Variants in RASGEF1C observed in about 807,000 individuals in gnomAD.
RASGEF1C encodes ras-GEF domain-containing family member 1C.
A neutral mutation model predicts 58.1 loss-of-function variants in RASGEF1C; 27 were observed. That is an observed-to-expected ratio of 0.46 (90% CI 0.34 to 0.64). The LOEUF is 0.64. Among genes scored for constraint, RASGEF1C ranks in the 30% least tolerant of loss-of-function variants. RASGEF1C has a pLI of 0.01. For synonymous variants in RASGEF1C, 243 were observed against 246.3 expected, an observed-to-expected ratio of 0.99 and a Z score of 0.13; for missense variants, 502 against 605.1, an observed-to-expected ratio of 0.83 and a Z score of 1.79.
In RASGEF1C at chr5:180,177,355, C is replaced by T. The variant is rs1036419180; in HGVS notation, c.-7+31673G>A. Reference sequence around the variant, plus strand: ...TTCCCCAAAGACACAGGCTGTTCATCGGCTCCATTTTTAACCTTCCTTAGT... The same window carrying T: ...TTCCCCAAAGACACAGGCTGTTCATTGGCTCCATTTTTAACCTTCCTTAGT... On this transcript the variant is annotated intron_variant, in intron 1 of 13. Coordinates refer to ENST00000361132, the MANE Select transcript of RASGEF1C (RefSeq NM_175062.4). This position sits in a 1 kb window ranked among gnomAD's most constrained non-coding sequence, Gnocchi z 5.0. Among the ~76,000 whole-genome samples the T allele has an allele frequency of 1.8e-4, 28 of 152,206 alleles. No individual in the cohort carries two copies. Among genetic ancestry groups the T allele is most frequent in the Non-Finnish European group, 3.1e-4 (21 of 68,042 alleles).
At chr5:180,176,771 T>A (rs528379970) in intron 1 of RASGEF1C, among the ~76,000 whole-genome samples, 1 of 152,116 alleles carries the variant, frequency 6.6e-6, no homozygotes, top group African/African-American at 2.4e-5. Flanking sequence ...TTGGCCAGGA[T>A]GGTCTCGATC....
intron 1 of RASGEF1C, among the ~76,000 whole-genome samples, chr5:180,192,375 C>T (rs1057486514): frequency 1.3e-5 from 2 of 152,152 alleles, no homozygotes; most frequent in Non-Finnish European, 2.9e-5. Flanking sequence ...ATGAGCTCAG[C>T]GTCCTCACTG....
rs1438089320 is a variant in RASGEF1C at position 180,177,090 on chromosome 5, C to T, written c.-7+31938G>A. ...GTTTCCAAGGGACGGCAACTTTTGC[C>T]AGCATGGAGGAGGACCAGGGTGAGA... is the stretch of plus-strand genomic sequence containing the variant. On this transcript the variant is annotated intron_variant, in intron 1 of 13. Transcript: ENST00000361132. The surrounding 1 kb of genome is among the most constrained non-coding windows in gnomAD (Gnocchi z 5.0). 6.6e-6 allele frequency among the ~76,000 whole-genome samples: 1 copy of T among 152,062 alleles called. No individual in the cohort carries two copies. Among genetic ancestry groups the T allele is most frequent in the African/African-American group, 2.4e-5 (1 of 41,390 alleles).
chr5:180,196,637 G>A (rs7720553), intron 1 of RASGEF1C, among the ~76,000 whole-genome samples: 13,495 of 152,086 alleles, frequency 0.089, 751 homozygotes, highest in Admixed American at 0.11. Flanking sequence ...GTATTGGTAC[G>A]AGGTTCTTCA....
intron 1 of RASGEF1C, among the ~76,000 whole-genome samples, chr5:180,183,283 C>A (rs900579443): frequency 3.3e-5 from 5 of 152,060 alleles, no homozygotes; most frequent in Non-Finnish European, 5.9e-5. Context: ...GACCCTGAAC[C>A]CCTGACTCAT....
chr5:180,198,058 G>A lies in RASGEF1C; in HGVS notation c.-7+10970C>T, dbSNP rs2127563815. ...AACCAAGGTGACCCCTCACATTCATGAGCCTTTCACAGATGAGTCTGTAGG... is the reference window on the plus strand; with the variant it reads ...AACCAAGGTGACCCCTCACATTCATAAGCCTTTCACAGATGAGTCTGTAGG... On this transcript the variant is annotated intron_variant, in intron 1 of 13. Transcript: ENST00000361132. This position sits in a 1 kb window ranked among gnomAD's most constrained non-coding sequence, Gnocchi z 4.5. 1.3e-5 allele frequency among the ~76,000 whole-genome samples: 2 copies of A among 152,318 alleles called. No homozygotes were observed. The highest frequency in any genetic ancestry group is 4.1e-4 in the South Asian group (2 of 4,824).
intron 5 of RASGEF1C, 57 bp downstream of exon 5, chr5:180,128,353 G>C: frequency 1.4e-6 from 2 of 1,472,784 alleles, no homozygotes; most frequent in Non-Finnish European, 1.9e-6. Context: ...AGGGCACAGT[G>C]TATCTGTGTG....
intron 1 of RASGEF1C, among the ~76,000 whole-genome samples, chr5:180,208,297 C>T (rs943384661): frequency 2.0e-5 from 3 of 152,138 alleles, no homozygotes; most frequent in African/African-American, 4.8e-5. Flanking sequence ...GATACGGGCC[C>T]GGAAGAGCTC....
intron 1 of RASGEF1C, among the ~76,000 whole-genome samples, chr5:180,181,274 T>C (rs994451366): frequency 6.6e-6 from 1 of 152,212 alleles, no homozygotes; most frequent in Non-Finnish European, 1.5e-5. Flanking sequence ...CTTGAGTGTT[T>C]AAAGCAAAAA....
chr5:180,160,229 T>G (rs1455906525), intron 1 of RASGEF1C, among the ~76,000 whole-genome samples: 1 of 152,198 alleles, frequency 6.6e-6, no homozygotes, highest in Non-Finnish European at 1.5e-5. Context: ...AGAAGCCATT[T>G]GGCTCTTTCT....
Position 180,173,778 on chromosome 5 carries a change from T to TG in RASGEF1C, c.-7+35249dup, listed in dbSNP as rs1264449372. On this transcript the variant is annotated intron_variant, in intron 1 of 13. Coordinates refer to ENST00000361132, the MANE Select transcript of RASGEF1C (RefSeq NM_175062.4). ...AAATACAGAAATTAGCTGGGCGTGG[T>TG]GGTGGGCGCCTGTAATCCCAGCTGC... Among the ~76,000 whole-genome samples the TG allele has an allele frequency of 1.3e-3, 190 of 151,976 alleles. 1 individual carries two copies. The highest frequency in any genetic ancestry group is 3.4e-4 in the Non-Finnish European group (23 of 67,962).
At chr5:180,152,534 A>T (rs1404119105) in intron 1 of RASGEF1C, among the ~76,000 whole-genome samples, 2 of 123,114 alleles carry the variant, frequency 1.6e-5, no homozygotes, top group African/African-American at 3.2e-5. Context: ...GGACACAGGA[A>T]GGGGAACATC....
chr5:180,152,534 A>G (rs1404119105), intron 1 of RASGEF1C, among the ~76,000 whole-genome samples: 21 of 123,146 alleles, frequency 1.7e-4, no homozygotes, highest in African/African-American at 5.4e-4. Flanking sequence ...GGACACAGGA[A>G]GGGGAACATC....
chr5:180,132,696 C>T (rs996888041), intron 4 of RASGEF1C, among the ~76,000 whole-genome samples: 13 of 152,122 alleles, frequency 8.5e-5, no homozygotes, highest in African/African-American at 1.2e-4. Context: ...CCAGGCCGGG[C>T]GCGGTGGCTC....
intron 12 of RASGEF1C, among the ~76,000 whole-genome samples, chr5:180,103,816 C>T (rs1252525427): frequency 6.6e-6 from 1 of 152,204 alleles, no homozygotes; most frequent in African/African-American, 2.4e-5. Flanking sequence ...AGAAGCGTTT[C>T]TGTGGATGCA....
intron 1 of RASGEF1C, among the ~76,000 whole-genome samples, chr5:180,207,397 C>T (rs1295481727): frequency 2.0e-5 from 3 of 152,250 alleles, no homozygotes; most frequent in Non-Finnish European, 4.4e-5. Context: ...CCACACTAAG[C>T]CCGGGTCCCA....
At chr5:180,136,322 C>A in intron 4 of RASGEF1C, 56 bp downstream of exon 4, 1 of 1,511,480 alleles carries the variant, frequency 6.6e-7, no homozygotes. Context: ...CGGGAACAGG[C>A]GCAGGCCTGG....
At chr5:180,170,846 C>T (rs1269609898) in intron 1 of RASGEF1C, among the ~76,000 whole-genome samples, 18 of 152,172 alleles carry the variant, frequency 1.2e-4, no homozygotes, top group Admixed American at 1.0e-3. Context: ...GGGCCAAAGT[C>T]GGAACTTGGT....
chr5:180,202,084 C>T (rs1682230291), intron 1 of RASGEF1C, among the ~76,000 whole-genome samples: 1 of 151,872 alleles, frequency 6.6e-6, no homozygotes, highest in African/African-American at 2.4e-5. Flanking sequence ...ATTAGAGTTG[C>T]CTGAACTCAT....
Sources: allele counts gnomAD v4.1 joint callset (sites outside exome capture counted in the v4.1 genomes callset), GRCh38; gene constraint gnomAD v4.1.1; non-coding constraint Gnocchi (gnomAD v3.1); transcripts MANE v1.5; gene names NCBI Gene and HGNC (gene_info 2026-07-23, HGNC 2026-07-21).